The following NSD1 variants were observed in gnomAD, a reference collection of about 807,000 sequenced individuals.
The protein encoded by NSD1 is histone-lysine N-methyltransferase, H3 lysine-36 specific.
Under a neutral mutation model 242.7 loss-of-function variants are expected in NSD1, and 26 were observed. The observed-to-expected ratio is 0.11, with a 90% CI of 0.08 to 0.15. The LOEUF is 0.15. NSD1 is among the 10% of genes least tolerant of loss of function. The pLI is 1.00. For missense variants in NSD1, 2,495 were observed against 3,272.8 expected (o/e 0.76, Z 5.80); for synonymous variants, 1,106 against 1,178.1 (o/e 0.94, Z 1.25).
At chr5:177,148,423 TC>T (rs1412994686) in intron 2 of NSD1, among the ~76,000 whole-genome samples, 2 of 151,376 alleles carry the variant, frequency 1.3e-5, no homozygotes, top group Non-Finnish European at 2.9e-5. Context: ...CCGCCAATGT[TC>T]AGTTGTTTTT....
intron 13 of NSD1, among the ~76,000 whole-genome samples, chr5:177,259,167 A>T (rs1001901528): frequency 1.3e-5 from 2 of 152,204 alleles, no homozygotes; most frequent in African/African-American, 4.8e-5. Flanking sequence ...TGGTGAATTC[A>T]TGTGTGCCAA....
chr5:177,178,241 T>A (rs968632892), intron 2 of NSD1, among the ~76,000 whole-genome samples: 1 of 152,078 alleles, frequency 6.6e-6, no homozygotes, highest in Non-Finnish European at 1.5e-5. Context: ...TTGATTGATT[T>A]ATGAGATGGA....
In NSD1 at chr5:177,257,100, A is replaced by G. The variant is rs758996271; in HGVS notation, c.4915A>G (p.Ile1639Val). The change falls in exon 13 of 23, where the codon ATC becomes GTC. Residue 1639 changes from isoleucine (I) to valine (V), a missense_variant. Ile to Val is a conservative substitution (Grantham distance 29). This residue lies in a region of NSD1 where 32 missense variants were observed against 46.9 expected (regional missense o/e 0.68). Transcript: ENST00000439151. ...CAAGGGCTTCCGGTGCTCCCTCCAC[A>G]TCTGTATAACCTGTCATGCTGCTAA... is the stretch of plus-strand genomic sequence containing the variant. ...QNKGFRCSLH[I>V]CITCHAANPA... is the part of the protein sequence containing the mutation. The G allele has an allele frequency of 6.2e-7, 1 of 1,614,078 alleles. No homozygotes were observed. Among genetic ancestry groups the G allele is most frequent in the Non-Finnish European group, 8.5e-7 (1 of 1,180,018 alleles).
chr5:177,240,154 C>A (rs528253853), intron 8 of NSD1, among the ~76,000 whole-genome samples: 1 of 152,246 alleles, frequency 6.6e-6, no homozygotes, highest in Admixed American at 6.5e-5. Flanking sequence ...GGGTTCAAAT[C>A]CTCTTACCTG....
intron 19 of NSD1, 103 bp downstream of exon 19, chr5:177,282,684 CT>C: frequency 3.3e-6 from 3 of 900,810 alleles, no homozygotes; most frequent in Non-Finnish European, 3.7e-6. Flanking sequence ...AAGGTAGGGT[CT>C]TTTCCCATAC....
chr5:177,151,985 C>T (rs1467879287), intron 2 of NSD1, among the ~76,000 whole-genome samples: 4 of 152,006 alleles, frequency 2.6e-5, no homozygotes, highest in East Asian at 1.9e-4. Flanking sequence ...CTCAGCCTCC[C>T]GAGTAACTGG....
intron 5 of NSD1, among the ~76,000 whole-genome samples, chr5:177,217,626 C>T (rs1300654043): frequency 2.8e-5 from 4 of 142,854 alleles, no homozygotes; most frequent in Admixed American, 2.8e-4. Flanking sequence ...TATGTAATTA[C>T]TTTTTTGTTT....
At chr5:177,147,976 C>T (rs2149772780) in intron 2 of NSD1, among the ~76,000 whole-genome samples, 1 of 152,202 alleles carries the variant, frequency 6.6e-6, no homozygotes, top group Non-Finnish European at 1.5e-5. Context: ...TGAAGGACAT[C>T]TGGGGCAATG....
rs587784091 is a variant in NSD1, at chr5:177,211,343, G to T, written c.2944G>T (p.Gly982Trp). ...GAACTCCGCCAATCCTAGCCCTAGT[G>T]GGGGTGACTCTGCATTATCTGGCGA... The part of the protein sequence containing the change: ...TQNSANPSPS[G>W]GDSALSGELS... The change falls in exon 5 of 23, where the codon GGG becomes TGG. Residue 982 changes from glycine (G) to tryptophan (W), a missense_variant. Physicochemically the swap from Gly to Trp is radical, Grantham distance 184. Around this residue, in one of 19 missense-constraint regions of NSD1, gnomAD observed 426 missense variants for 411.4 expected, o/e 1.04. Coordinates refer to ENST00000439151, the MANE Select transcript of NSD1 (RefSeq NM_022455.5). 2 of 1,614,134 alleles carry T rather than the reference G, an allele frequency of 1.2e-6. No homozygotes were observed. Among genetic ancestry groups the T allele is most frequent in the Non-Finnish European group, 8.5e-7 (1 of 1,180,030 alleles).
At chr5:177,283,379 A>G (rs998994094) in intron 19 of NSD1, among the ~76,000 whole-genome samples, 1 of 152,226 alleles carries the variant, frequency 6.6e-6, no homozygotes, top group Admixed American at 6.5e-5. Flanking sequence ...GGGACTCCGC[A>G]TTAGTATTTA....
intron 2 of NSD1, among the ~76,000 whole-genome samples, chr5:177,189,948 C>T (rs979443342): frequency 6.6e-6 from 1 of 151,974 alleles, no homozygotes; most frequent in Non-Finnish European, 1.5e-5. Context: ...TACTTGATAA[C>T]CATCAATATG....
intron 12 of NSD1, among the ~76,000 whole-genome samples, chr5:177,255,364 T>A (rs1756347254): frequency 1.3e-5 from 2 of 152,074 alleles, no homozygotes; most frequent in South Asian, 4.1e-4. Context: ...TGTTTACAAA[T>A]ACATATTCAA....
At position 177,135,195 on chromosome 5, in the gene NSD1, C is replaced by G. The variant is rs1269686460; in HGVS notation, c.92C>G (p.Pro31Arg). The G allele has an allele frequency of 1.9e-6, 3 of 1,613,820 alleles. No individual in the cohort carries two copies. The highest frequency in any genetic ancestry group is 1.3e-5 in the African/African-American group (1 of 74,894). The change falls in exon 2 of 23, where the codon CCT becomes CGT. Residue 31 changes from proline to arginine, a missense_variant. Transcript: ENST00000439151. ...GATGCCCCTGAAGACAAGGACAGCC[C>G]TTTCGGTAATGGTCAATCCAATTTT... is the stretch of plus-strand genomic sequence containing the variant. Reference protein sequence around the residue: ...NLDAPEDKDSPFGNGQSNFSE... With the variant: ...NLDAPEDKDSRFGNGQSNFSE...
At chr5:177,182,605 TTCCCC>T (rs1391465878) in intron 2 of NSD1, among the ~76,000 whole-genome samples, 2 of 150,634 alleles carry the variant, frequency 1.3e-5, no homozygotes, top group Admixed American at 6.6e-5. Flanking sequence ...CTCCCCTCCC[TTCCCC>T]TCCCCTCCCC....
At chr5:177,181,844 C>T (rs373286323) in intron 2 of NSD1, among the ~76,000 whole-genome samples, 2 of 148,904 alleles carry the variant, frequency 1.3e-5, no homozygotes, top group South Asian at 4.2e-4. Flanking sequence ...TGAGGCCATC[C>T]GGGGAAACAT....
At chr5:177,293,455 G>A (rs994544159) in intron 22 of NSD1, among the ~76,000 whole-genome samples, 1 of 152,012 alleles carries the variant, frequency 6.6e-6, no homozygotes, top group Non-Finnish European at 1.5e-5. Context: ...AAGCTGTATA[G>A]TACAAATGGA....
chr5:177,176,925 T>G (rs1026700795), intron 2 of NSD1, among the ~76,000 whole-genome samples: 2 of 152,174 alleles, frequency 1.3e-5, no homozygotes, highest in African/African-American at 4.8e-5. Flanking sequence ...AAACTTTTTG[T>G]TTTGGATGTT....
intron 3 of NSD1, among the ~76,000 whole-genome samples, chr5:177,199,667 T>A (rs1762369261): frequency 6.6e-6 from 1 of 151,388 alleles, no homozygotes; most frequent in South Asian, 2.1e-4. Flanking sequence ...TGGCACGATC[T>A]CAGCTCACTG....
rs1231813670 is a variant in NSD1 at position 177,238,904 on chromosome 5, T to C, written c.4192+397T>C. 1.3e-5 allele frequency among the ~76,000 whole-genome samples: 2 copies of C among 152,212 alleles called. No homozygotes were observed. The highest frequency in any genetic ancestry group is 2.9e-5 in the Non-Finnish European group (2 of 68,034). On this transcript the variant is annotated intron_variant, in intron 7 of 22. Transcript: ENST00000439151. The surrounding 1 kb of genome is among the most constrained non-coding windows in gnomAD (Gnocchi z 4.6). ...TTTAATCTCTGAACTTGTTTCCTCA[T>C]CTATAAATGGAGATCATAATGTATT...
Sources: allele counts gnomAD v4.1 joint callset (sites outside exome capture counted in the v4.1 genomes callset), GRCh38; gene constraint gnomAD v4.1.1; regional missense constraint gnomAD v4.1.1; non-coding constraint Gnocchi (gnomAD v3.1); transcripts MANE v1.5; gene names NCBI Gene and HGNC (gene_info 2026-07-23, HGNC 2026-07-21).